MAGI2: variants seen among roughly 807,000 people sequenced by gnomAD.
The protein encoded by MAGI2 is membrane-associated guanylate kinase, WW and PDZ domain-containing protein 2.
Under a neutral mutation model 133.3 loss-of-function variants are expected in MAGI2, and 35 were observed. The observed-to-expected ratio is 0.26, with a 90% CI of 0.20 to 0.35. The LOEUF is 0.35. Ranked by LOEUF, MAGI2 falls within the 10% of genes least tolerant of loss-of-function variation. The pLI is 1.00. For missense variants in MAGI2, 1,636 were observed against 1,863.4 expected (o/e 0.88, Z 2.25); for synonymous variants, 729 against 710.6 (o/e 1.03, Z -0.41).
chr7:78,316,741 T>C (rs930537195), intron 9 of MAGI2, among the ~76,000 whole-genome samples: 9 of 152,174 alleles, frequency 5.9e-5, no homozygotes, highest in African/African-American at 2.2e-4. Context: ...ATTAAGCACT[T>C]GAGAAGCACT....
At chr7:78,115,360 A>C (rs1472550049) in intron 20 of MAGI2, among the ~76,000 whole-genome samples, 1 of 152,218 alleles carries the variant, frequency 6.6e-6, no homozygotes, top group African/African-American at 2.4e-5. Flanking sequence ...AAAATGATAG[A>C]ATTAAATACA....
At chr7:78,990,695 T>C (rs1238219122) in intron 2 of MAGI2, among the ~76,000 whole-genome samples, 1 of 151,994 alleles carries the variant, frequency 6.6e-6, no homozygotes, top group African/African-American at 2.4e-5. Context: ...AAAATAATAA[T>C]AGAAAGGTAC....
intron 3 of MAGI2, among the ~76,000 whole-genome samples, chr7:78,522,799 T>C (rs2150590247): frequency 6.6e-6 from 1 of 152,354 alleles, no homozygotes; most frequent in Admixed American, 6.5e-5. Context: ...ACTTTGAACC[T>C]ATATCAGTGT....
chr7:78,642,710 G>A (rs567427181), intron 2 of MAGI2, among the ~76,000 whole-genome samples: 148 of 152,288 alleles, frequency 9.7e-4, no homozygotes, highest in African/African-American at 3.4e-3. Context: ...CTTATGGGAA[G>A]CATTGTACTC....
At chr7:78,603,997 G>A (rs1466745166) in intron 3 of MAGI2, among the ~76,000 whole-genome samples, 6 of 152,022 alleles carry the variant, frequency 3.9e-5, no homozygotes, top group Non-Finnish European at 8.8e-5. Context: ...TAGGCTGGTC[G>A]GATTGGCACT....
intron 3 of MAGI2, among the ~76,000 whole-genome samples, chr7:78,620,093 G>GA (rs567444238): frequency 6.6e-6 from 1 of 151,808 alleles, no homozygotes; most frequent in East Asian, 1.9e-4. Flanking sequence ...GTGCAAAGGG[G>GA]AAAAAATGAA....
At chr7:78,372,827 T>C (rs918062432) in intron 6 of MAGI2, among the ~76,000 whole-genome samples, 3 of 152,272 alleles carry the variant, frequency 2.0e-5, no homozygotes, top group African/African-American at 4.8e-5. Flanking sequence ...CCAAATATTA[T>C]TTCATTTATT....
intron 2 of MAGI2, among the ~76,000 whole-genome samples, chr7:78,898,906 G>C (rs1425722878): frequency 6.6e-6 from 1 of 151,878 alleles, no homozygotes; most frequent in East Asian, 1.9e-4. Flanking sequence ...TATTTGATTT[G>C]TATGGTGGAA....
chr7:79,062,429 G>A (rs886699293), intron 1 of MAGI2, among the ~76,000 whole-genome samples: 1 of 152,056 alleles, frequency 6.6e-6, no homozygotes, highest in Non-Finnish European at 1.5e-5. Context: ...GTACTTTTGT[G>A]GTAGTTTTTT....
intron 1 of MAGI2, among the ~76,000 whole-genome samples, chr7:79,363,003 T>G (rs1385603746): frequency 1.3e-5 from 2 of 151,480 alleles, no homozygotes; most frequent in Non-Finnish European, 3.0e-5. Flanking sequence ...TAGGAAGAAA[T>G]AAACTGTTTC....
chr7:78,984,632 T>C (rs951309904), intron 2 of MAGI2, among the ~76,000 whole-genome samples: 1 of 151,898 alleles, frequency 6.6e-6, no homozygotes, highest in African/African-American at 2.4e-5. Flanking sequence ...TCTGCTCGTA[T>C]GTGATACCTT....
intron 21 of MAGI2, chr7:78,072,891 C>T (rs544796973): frequency 2.0e-5 from 8 of 398,628 alleles, no homozygotes; most frequent in African/African-American, 1.4e-4. Flanking sequence ...CTCCTAGGCT[C>T]AAGCAGTCCT....
intron 1 of MAGI2, among the ~76,000 whole-genome samples, chr7:79,217,680 G>C (rs1830124901): frequency 1.3e-5 from 2 of 152,082 alleles, no homozygotes; most frequent in East Asian, 1.9e-4. Context: ...CTAGACCTTT[G>C]TTTGAACAGG....
At chr7:78,145,957 A>T (rs188425128) in intron 16 of MAGI2, among the ~76,000 whole-genome samples, 23 of 152,226 alleles carry the variant, frequency 1.5e-4, no homozygotes, top group Admixed American at 2.6e-4. Flanking sequence ...GGGATTCAAC[A>T]TATAGGTTTT....
intron 18 of MAGI2, among the ~76,000 whole-genome samples, chr7:78,130,692 G>A (rs1181966181): frequency 6.6e-6 from 1 of 152,210 alleles, no homozygotes; most frequent in Admixed American, 6.5e-5. Flanking sequence ...TTCCTGGGCT[G>A]TTAATATAGT....
chr7:79,040,828 T>A (rs547466319), intron 1 of MAGI2, among the ~76,000 whole-genome samples: 37 of 152,324 alleles, frequency 2.4e-4, no homozygotes, highest in African/African-American at 8.7e-4. Context: ...TCCCCAGCAA[T>A]GCAGAACTGT....
intron 1 of MAGI2, among the ~76,000 whole-genome samples, chr7:79,072,406 A>G (rs1815069895): frequency 6.6e-6 from 1 of 152,174 alleles, no homozygotes; most frequent in African/African-American, 2.4e-5. Context: ...TTATTGCCAC[A>G]TTCTTCCTAA....
chr7:79,279,134 T>C (rs1466699601), intron 1 of MAGI2, among the ~76,000 whole-genome samples: 1 of 152,142 alleles, frequency 6.6e-6, no homozygotes, highest in East Asian at 1.9e-4. Context: ...CTACTATCCC[T>C]GCTCTTTTTG....
chr7:79,310,008 A>G (rs1223847146), intron 1 of MAGI2, among the ~76,000 whole-genome samples: 1 of 149,206 alleles, frequency 6.7e-6, no homozygotes, highest in African/African-American at 2.4e-5. Flanking sequence ...GAAAGAATGG[A>G]AAAAAAATTA....
Sources: gnomAD v4.1 joint callset for allele counts (sites outside exome capture counted in the v4.1 genomes callset) on GRCh38, gnomAD v4.1.1 for gene constraint, MANE v1.5 for transcripts, NCBI Gene and HGNC (gene_info 2026-07-23, HGNC 2026-07-21) for gene names.